RTKN2: variants seen among roughly 807,000 people sequenced by gnomAD.
The protein encoded by RTKN2 is rhotekin-2.
RTKN2 carries 69 observed loss-of-function variants against 71.5 expected under a neutral mutation model. The observed-to-expected ratio is 0.96, with a 90% CI of 0.79 to 1.18. RTKN2 has a LOEUF of 1.18. Ranked by LOEUF, RTKN2 falls within the 50% of genes most tolerant of loss-of-function variation. The pLI, the probability that RTKN2 is intolerant of heterozygous loss-of-function variation, is 0.00. For synonymous variants in RTKN2, 236 were observed against 236.5 expected (o/e 1.00, Z 0.02); for missense variants, 724 against 719.7 (o/e 1.01, Z -0.07).
intron 8 of RTKN2, among the ~76,000 whole-genome samples, chr10:62,185,322 G>T (rs1205419418): frequency 1.3e-5 from 2 of 152,084 alleles, no homozygotes; most frequent in African/African-American, 4.8e-5. Flanking sequence ...TTGATTCAAA[G>T]ATTGCTTTTG....
chr10:62,185,337 G>C (rs570295952), intron 8 of RTKN2, among the ~76,000 whole-genome samples: 1 of 152,156 alleles, frequency 6.6e-6, no homozygotes, highest in Non-Finnish European at 1.5e-5. Flanking sequence ...CTTTTGGCAG[G>C]CTGGGCACGG....
At chr10:62,225,023 GCTGT>G (rs746771813) in intron 6 of RTKN2, among the ~76,000 whole-genome samples, 28 of 148,946 alleles carry the variant, frequency 1.9e-4, no homozygotes, top group Non-Finnish European at 3.4e-4. Flanking sequence ...AGGGACAAAG[GCTGT>G]CTTTTTGACC....
chr10:62,242,041 G>A (rs1446010280), intron 3 of RTKN2, among the ~76,000 whole-genome samples: 3 of 141,458 alleles, frequency 2.1e-5, no homozygotes, highest in Non-Finnish European at 3.0e-5. Context: ...TAGAGACAGA[G>A]TTCACTATGT....
At chr10:62,200,137 G>A (rs1291432517) in intron 10 of RTKN2, among the ~76,000 whole-genome samples, 3 of 152,012 alleles carry the variant, frequency 2.0e-5, no homozygotes. Flanking sequence ...GCCTAGGTGG[G>A]CAGATCACCT....
At chr10:62,218,678 T>C in intron 7 of RTKN2, among the ~76,000 whole-genome samples, 1 of 152,236 alleles carries the variant, frequency 6.6e-6, no homozygotes, top group East Asian at 1.9e-4. Context: ...AAATTCTACT[T>C]TTTGTTCTGA....
rs1475884401 is a variant in RTKN2 at position 62,223,306 on chromosome 10, T to C, written c.713A>G (p.His238Arg). The stretch of plus-strand genomic sequence containing the variant: ...AGCACTTTCCAAGGTTAGGGTAGTG[T>C]GAGCTAGCAAATTATACTTTACACC... ...VFGVKYNLLA[H>R]TTLTLESAED... Residue 238 changes from histidine to arginine, a missense_variant, in exon 7 of 12, where the codon CAC (histidine) becomes CGC (arginine). By Grantham distance (29) the His-to-Arg change is conservative. Transcript: ENST00000373789. 6.2e-7 allele frequency: 1 copy of C among 1,609,376 alleles called. No individual in the cohort carries two copies. Among genetic ancestry groups the C allele is most frequent in the Admixed American group, 1.7e-5 (1 of 60,006 alleles).
At chr10:62,185,027 A>G (rs1841112381) in intron 8 of RTKN2, among the ~76,000 whole-genome samples, 1 of 152,056 alleles carries the variant, frequency 6.6e-6, no homozygotes, top group African/African-American at 2.4e-5. Context: ...CACCATCCCC[A>G]ACTCCCAGGA....
intron 8 of RTKN2, among the ~76,000 whole-genome samples, chr10:62,185,432 T>C (rs535024696): frequency 6.6e-6 from 1 of 152,118 alleles, no homozygotes; most frequent in East Asian, 1.9e-4. Flanking sequence ...CCTGGCCAAG[T>C]TGGTGAAACC....
At chr10:62,265,136 T>C (rs1177280666) in intron 1 of RTKN2, among the ~76,000 whole-genome samples, 1 of 152,066 alleles carries the variant, frequency 6.6e-6, no homozygotes, top group Non-Finnish European at 1.5e-5. Flanking sequence ...AGTTTGAAGA[T>C]GATGTAAGAT....
In RTKN2 at chr10:62,263,500, T is replaced by C. The variant is rs535193881; in HGVS notation, c.61-679A>G. Among the ~76,000 whole-genome samples the C allele has an allele frequency of 3.9e-5, 6 of 152,292 alleles. No homozygotes were observed. In the South Asian group the frequency reaches 1.2e-3, roughly 32 times the overall value. ...GTCTTGGTCATTTGTTATAGCAGCC[T>C]TAGAAAACATACAATAACTAATGTG... On this transcript the variant is annotated intron_variant, in intron 1 of 11. Coordinates refer to ENST00000373789, the MANE Select transcript of RTKN2 (RefSeq NM_145307.4).
intron 9 of RTKN2, among the ~76,000 whole-genome samples, chr10:62,216,709 T>A: frequency 6.6e-6 from 1 of 152,090 alleles, no homozygotes; most frequent in Non-Finnish European, 1.5e-5. Flanking sequence ...TGCCTATCAA[T>A]CCCATAAGAA....
At position 62,217,218 on chromosome 10, in the gene RTKN2, C is replaced by T. The variant is rs750224957; in HGVS notation, c.920G>A (p.Arg307Lys). 16 of 1,586,748 alleles carry T rather than the reference C, an allele frequency of 1.0e-5. No individual in the cohort carries two copies. Among genetic ancestry groups the T allele is most frequent in the Non-Finnish European group, 1.4e-5 (16 of 1,167,860 alleles). Residue 307 changes from arginine (R) to lysine (K), a missense_variant, in exon 9 of 12, where the codon AGG becomes AAG. Arg to Lys is a conservative substitution (Grantham distance 26). Transcript: ENST00000373789. ...QMVEGLISWR[R>K]LYCVLRGGKL... is the part of the protein sequence containing the mutation. ...ACCTCCTCGCAAAACACAATACAACCTTCTCCAACTAATCAGACCTTCTAC... is the reference window on the plus strand; with the variant it reads ...ACCTCCTCGCAAAACACAATACAACTTTCTCCAACTAATCAGACCTTCTAC...
chr10:62,190,060 T>C (rs1471963528), downstream of RTKN2, among the ~76,000 whole-genome samples: 1 of 152,174 alleles, frequency 6.6e-6, no homozygotes, highest in Admixed American at 6.5e-5. Flanking sequence ...GGAGTCTATC[T>C]AGGTTTACAT....
chr10:62,228,800 G>C (rs979262230), intron 6 of RTKN2, among the ~76,000 whole-genome samples: 1 of 152,122 alleles, frequency 6.6e-6, no homozygotes, highest in Non-Finnish European at 1.5e-5. Flanking sequence ...AGGCAGATGT[G>C]GGTAGGCTGG....
chr10:62,267,506 T>C (rs981084633), intron 1 of RTKN2, among the ~76,000 whole-genome samples: 6 of 152,222 alleles, frequency 3.9e-5, no homozygotes, highest in African/African-American at 1.4e-4. Flanking sequence ...ATCAAAATCT[T>C]TGAAATTTTT....
intron 2 of RTKN2, among the ~76,000 whole-genome samples, chr10:62,261,951 C>T (rs1842782168): frequency 6.6e-6 from 1 of 152,050 alleles, no homozygotes; most frequent in African/African-American, 2.4e-5. Flanking sequence ...TAAATTGAAC[C>T]AATTCTTAGG....
rs532688767 is a variant in RTKN2 at position 62,255,481 on chromosome 10, T to TA, written c.257+7143dup. Reference sequence around the variant, plus strand: ...CTATAAATGATAATAAAACATTGAATAAAAATCCAGGAATGGAGAGACTAA... The same window carrying TA: ...CTATAAATGATAATAAAACATTGAATAAAAAATCCAGGAATGGAGAGACTAA... On this transcript the variant is annotated intron_variant, in intron 2 of 11. Coordinates refer to ENST00000373789, the MANE Select transcript of RTKN2 (RefSeq NM_145307.4). 1.0e-3 allele frequency among the ~76,000 whole-genome samples: 154 copies of TA among 152,206 alleles called. No homozygotes were observed. In the South Asian group the frequency reaches 0.013, roughly 13 times the overall value.
intron 2 of RTKN2, among the ~76,000 whole-genome samples, chr10:62,248,762 T>G (rs1409901393): frequency 6.6e-6 from 1 of 152,182 alleles, no homozygotes; most frequent in East Asian, 1.9e-4. Flanking sequence ...TAAAATTGAC[T>G]GAGTAAATAC....
chr10:62,184,932 T>C (rs1195220548), intron 8 of RTKN2, among the ~76,000 whole-genome samples: 1 of 152,218 alleles, frequency 6.6e-6, no homozygotes, highest in Non-Finnish European at 1.5e-5. Context: ...ATTAGAAATC[T>C]TACCATTCAC....
Sources: gnomAD v4.1 joint callset for allele counts (sites outside exome capture counted in the v4.1 genomes callset) on GRCh38, gnomAD v4.1.1 for gene constraint, MANE v1.5 for transcripts, NCBI Gene and HGNC (gene_info 2026-07-23, HGNC 2026-07-21) for gene names.